DLG1: variants seen among roughly 807,000 people sequenced by gnomAD.
The protein encoded by DLG1 is disks large homolog 1.
Under a neutral mutation model 123.4 loss-of-function variants are expected in DLG1, and 42 were observed. The ratio of observed to expected loss-of-function variants is 0.34; its 90% CI spans 0.27 to 0.44. DLG1 has a LOEUF of 0.44. DLG1 is among the 20% of genes least tolerant of loss of function. The pLI, the probability that DLG1 is intolerant of heterozygous loss-of-function variation, is 1.00. For missense variants in DLG1, 942 were observed against 1,082.6 expected, an observed-to-expected ratio of 0.87 and a Z score of 1.82; for synonymous variants, 317 against 356.2, an observed-to-expected ratio of 0.89 and a Z score of 1.24.
chr3:197,180,560 C>T (rs765105912), intron 5 of DLG1, among the ~76,000 whole-genome samples: 23 of 152,062 alleles, frequency 1.5e-4, no homozygotes, highest in Non-Finnish European at 2.9e-4. Flanking sequence ...TTTTATTTAA[C>T]ATTAAAAAAT....
chr3:197,201,033 G>A (rs1385011599), intron 4 of DLG1, among the ~76,000 whole-genome samples: 1 of 152,156 alleles, frequency 6.6e-6, no homozygotes, highest in Non-Finnish European at 1.5e-5. Flanking sequence ...TAGAAAAGAG[G>A]AAGAAGTGAA....
At chr3:197,062,871 G>A (rs1028539875) in intron 22 of DLG1, among the ~76,000 whole-genome samples, 16 of 151,900 alleles carry the variant, frequency 1.1e-4, no homozygotes, top group African/African-American at 1.7e-4. Flanking sequence ...CATATTCATC[G>A]CTCTAATTAT....
intron 11 of DLG1, among the ~76,000 whole-genome samples, chr3:197,127,834 T>C (rs541752374): frequency 2.0e-5 from 3 of 152,134 alleles, no homozygotes; most frequent in Non-Finnish European, 4.4e-5. Flanking sequence ...GTACAAGTTA[T>C]GTTTACACTA....
chr3:197,274,494 A>C (rs1765434559), intron 4 of DLG1, among the ~76,000 whole-genome samples: 1 of 150,800 alleles, frequency 6.6e-6, no homozygotes, highest in Non-Finnish European at 1.5e-5. Flanking sequence ...AAAAGATACA[A>C]TACGACACGA....
intron 5 of DLG1, among the ~76,000 whole-genome samples, chr3:197,178,802 C>T (rs551924131): frequency 6.6e-6 from 1 of 151,978 alleles, no homozygotes; most frequent in Non-Finnish European, 1.5e-5. Flanking sequence ...AAAATGAACA[C>T]TGAGAACTGG....
At chr3:197,296,271 T>C in intron 3 of DLG1, 75 bp downstream of exon 3, 1 of 1,410,926 alleles carries the variant, frequency 7.1e-7, no homozygotes, top group Non-Finnish European at 9.7e-7. Context: ...CATCATTTTC[T>C]TAAGTTTAAA....
intron 4 of DLG1, among the ~76,000 whole-genome samples, chr3:197,228,490 A>ATT (rs1741125720): frequency 6.6e-6 from 1 of 152,238 alleles, no homozygotes; most frequent in South Asian, 2.1e-4. Context: ...CATTTTAATG[A>ATT]TTACTAGGAA....
chr3:197,269,165 T>C (rs1053242058), intron 4 of DLG1, among the ~76,000 whole-genome samples: 1 of 151,904 alleles, frequency 6.6e-6, no homozygotes, highest in Non-Finnish European at 1.5e-5. Context: ...ATTGTTAATA[T>C]TTATCAAGTA....
chr3:197,225,632 T>A (rs1381395591), intron 4 of DLG1, among the ~76,000 whole-genome samples: 2 of 152,252 alleles, frequency 1.3e-5, no homozygotes, highest in African/African-American at 4.8e-5. Context: ...TCCTCATTAA[T>A]GGAAAATGAC....
At chr3:197,234,871 A>G (rs1745130925) in intron 4 of DLG1, among the ~76,000 whole-genome samples, 1 of 152,184 alleles carries the variant, frequency 6.6e-6, no homozygotes, top group Non-Finnish European at 1.5e-5. Flanking sequence ...AGTCACGTCA[A>G]AAGTTATGTT....
intron 4 of DLG1, among the ~76,000 whole-genome samples, chr3:197,214,647 C>T (rs948635071): frequency 6.6e-6 from 1 of 151,942 alleles, no homozygotes; most frequent in African/African-American, 2.4e-5. Context: ...ACTTTTGTGT[C>T]ACCAACTTAA....
chr3:197,156,781 G>A (rs570108563), intron 5 of DLG1, among the ~76,000 whole-genome samples: 2 of 152,300 alleles, frequency 1.3e-5, no homozygotes, highest in East Asian at 3.9e-4. Flanking sequence ...CCTAATAGCA[G>A]ACCATCAAAA....
chr3:197,045,863 T>C (rs911925706), intron 24 of DLG1, among the ~76,000 whole-genome samples: 1 of 152,190 alleles, frequency 6.6e-6, no homozygotes, highest in African/African-American at 2.4e-5. Flanking sequence ...TAGGTGTAGA[T>C]TTCCATGGTC....
chr3:197,130,698 T>C (rs1782029909), intron 10 of DLG1, 27 bp from the exon 11 acceptor site: 1 of 1,556,822 alleles, frequency 6.4e-7, no homozygotes, highest in Non-Finnish European at 8.7e-7. Flanking sequence ...AAGACATTTA[T>C]GACATATTCA....
chr3:197,048,970 A>G (rs1468874506), intron 24 of DLG1, among the ~76,000 whole-genome samples: 2 of 152,178 alleles, frequency 1.3e-5, no homozygotes, highest in Non-Finnish European at 2.9e-5. Flanking sequence ...TCAAAAAATT[A>G]AAAACTGAGT....
chr3:197,275,139 T>C (rs1447401622), intron 4 of DLG1, among the ~76,000 whole-genome samples: 2 of 145,908 alleles, frequency 1.4e-5, no homozygotes, highest in African/African-American at 5.1e-5. Flanking sequence ...TGAGCAAAGA[T>C]CACGCCACTG....
At chr3:197,219,071 C>T (rs1735548426) in intron 4 of DLG1, among the ~76,000 whole-genome samples, 1 of 151,562 alleles carries the variant, frequency 6.6e-6, no homozygotes, top group Non-Finnish European at 1.5e-5. Context: ...GCAGAGGTTG[C>T]GGTGGGCCGA....
chr3:197,125,063 C>T (rs762665884), intron 11 of DLG1, among the ~76,000 whole-genome samples: 1 of 152,106 alleles, frequency 6.6e-6, no homozygotes, highest in African/African-American at 2.4e-5. Context: ...CATTAAAACA[C>T]AAGTGAAAGT....
chr3:197,184,135 T>C (rs548407957), intron 5 of DLG1: 2 of 1,077,756 alleles, frequency 1.9e-6, no homozygotes, highest in Admixed American at 4.8e-5. Context: ...AGCTGATAAC[T>C]AGATGGATTG....
Sources: gnomAD v4.1 joint callset for allele counts (sites outside exome capture counted in the v4.1 genomes callset) on GRCh38, gnomAD v4.1.1 for gene constraint, MANE v1.5 for transcripts, NCBI Gene and HGNC (gene_info 2026-07-23, HGNC 2026-07-21) for gene names.